ZNF676: variants seen among roughly 807,000 people sequenced by gnomAD.
The protein encoded by ZNF676 is zinc finger protein 676.
ZNF676 carries 4 observed loss-of-function variants against 6.0 expected under a neutral mutation model. The observed-to-expected ratio is 0.67, with a 90% CI of 0.33 to 1.53. The LOEUF is 1.53. Among genes scored for constraint, ZNF676 ranks in the 40% most tolerant of loss-of-function variants. The pLI is 0.06. For missense variants in ZNF676, 644 were observed against 679.7 expected (o/e 0.95, Z 0.58); for synonymous variants, 198 against 223.1 (o/e 0.89, Z 1.00).
chr19:22,210,680 T>C (rs2024119835), intron 1 of ZNF676, among the ~76,000 whole-genome samples: 1 of 152,220 alleles, frequency 6.6e-6, no homozygotes, highest in African/African-American at 2.4e-5. Context: ...TCTCTTTTCT[T>C]ACCTACTACA....
At chr19:22,188,954 A>C (rs1326141374) in intron 2 of ZNF676, among the ~76,000 whole-genome samples, 1 of 152,204 alleles carries the variant, frequency 6.6e-6, no homozygotes, top group Non-Finnish European at 1.5e-5. Flanking sequence ...ATTCAATGCC[A>C]TTCCCATCAA....
chr19:22,233,991 G>C, the ZNF676 span, among the ~76,000 whole-genome samples: 5 of 152,176 alleles, frequency 3.3e-5, no homozygotes, highest in East Asian at 3.8e-4. Context: ...ATTTTTCAAT[G>C]GTGCTTCTTC....
At chr19:22,227,463 GA>G in the ZNF676 span, among the ~76,000 whole-genome samples, 1 of 152,106 alleles carries the variant, frequency 6.6e-6, no homozygotes, top group Non-Finnish European at 1.5e-5. Flanking sequence ...AGAGAAGCAA[GA>G]GCAAACAAAT....
the ZNF676 span, among the ~76,000 whole-genome samples, chr19:22,253,745 A>C: frequency 1.3e-5 from 2 of 151,946 alleles, no homozygotes; most frequent in African/African-American, 4.8e-5. Context: ...TCAATGTGTG[A>C]AATTCAGGAC....
chr19:22,249,981 G>A, the ZNF676 span, among the ~76,000 whole-genome samples: 1 of 151,698 alleles, frequency 6.6e-6, no homozygotes, highest in Non-Finnish European at 1.5e-5. Flanking sequence ...TCAGGAGTTT[G>A]GGACCAGCCT....
At chr19:22,192,043 T>C (rs1489586237) in intron 2 of ZNF676, among the ~76,000 whole-genome samples, 3 of 152,218 alleles carry the variant, frequency 2.0e-5, no homozygotes, top group African/African-American at 7.2e-5. Flanking sequence ...AAAACATTGC[T>C]GTTTGTAGAT....
At chr19:22,206,519 G>A (rs1239347455) in intron 1 of ZNF676, among the ~76,000 whole-genome samples, 5 of 151,720 alleles carry the variant, frequency 3.3e-5, no homozygotes, top group Non-Finnish European at 7.4e-5. Flanking sequence ...CTCAAAACAG[G>A]AAAAAATTAG....
the ZNF676 span, among the ~76,000 whole-genome samples, chr19:22,251,613 C>A: frequency 6.6e-6 from 1 of 151,986 alleles, no homozygotes; most frequent in Non-Finnish European, 1.5e-5. Flanking sequence ...CATGGTGAAA[C>A]CCTGTCTCTG....
chr19:22,215,791 G>C (rs1291193352), upstream of ZNF676: 2 of 753,964 alleles, frequency 2.7e-6, no homozygotes, highest in Admixed American at 3.6e-5. Flanking sequence ...CCCGGAAGCC[G>C]ACCTGTCCCC....
chr19:22,220,698 C>T (rs1220838567), upstream of ZNF676, among the ~76,000 whole-genome samples: 1 of 152,046 alleles, frequency 6.6e-6, no homozygotes, highest in East Asian at 1.9e-4. Context: ...CTCAAGTGAT[C>T]CCCCCACCTC....
chr19:22,197,778 GTCAGAGAGCTTA>G (rs2023983449), upstream of ZNF676, among the ~76,000 whole-genome samples: 1 of 152,130 alleles, frequency 6.6e-6, no homozygotes, highest in Non-Finnish European at 1.5e-5. Context: ...AAAAAAATGT[GTCAGAGAGCTTA>G]TCAACCAAGT....
At chr19:22,182,744 A>G (rs2023778575) in intron 2 of ZNF676, among the ~76,000 whole-genome samples, 1 of 151,732 alleles carries the variant, frequency 6.6e-6, no homozygotes, top group Non-Finnish European at 1.5e-5. Flanking sequence ...CTTCCATAGG[A>G]AAGATGCTGA....
At chr19:22,231,864 T>C in the ZNF676 span, among the ~76,000 whole-genome samples, 1 of 151,944 alleles carries the variant, frequency 6.6e-6, no homozygotes, top group Non-Finnish European at 1.5e-5. Flanking sequence ...CCTCCCAAAG[T>C]GCTGGGATTA....
intron 1 of ZNF676, among the ~76,000 whole-genome samples, chr19:22,205,354 C>T (rs2024066633): frequency 6.6e-6 from 1 of 152,090 alleles, no homozygotes; most frequent in South Asian, 2.1e-4. Context: ...CCATAACATA[C>T]ATTCTTCTCA....
Position 22,180,844 on chromosome 19 carries a change from G to C in ZNF676, c.873C>G (p.Asn291Lys), listed in dbSNP as rs371781686. Residue 291 changes from asparagine to lysine, a missense_variant, in exon 3 of 3, where the codon AAC becomes AAG. Around this residue, in one of 5 missense-constraint regions of ZNF676, gnomAD observed 28 missense variants for 83.7 expected, o/e 0.33. Transcript: ENST00000397121. The stretch of plus-strand genomic sequence containing the variant: ...TATGTTCCATGAGCTTTGAGGACGA[G>C]TTGGAAGCTTTGCCACATTCTTCAC... Reference protein sequence around the residue: ...YKCEECGKASNSSSKLMEHKR... With the variant: ...YKCEECGKASKSSSKLMEHKR... 1 of 1,593,308 alleles carries C rather than the reference G, an allele frequency of 6.3e-7. No homozygotes were observed. Among genetic ancestry groups the C allele is most frequent in the Non-Finnish European group, 8.6e-7 (1 of 1,163,852 alleles).
intron 1 of ZNF676, chr19:22,203,639 G>C (rs529546694): frequency 2.6e-5 from 4 of 152,278 alleles, no homozygotes; most frequent in Non-Finnish European, 4.4e-5. Flanking sequence ...TTGTTGCCCA[G>C]GCTGGAGTGC....
intron 1 of ZNF676, among the ~76,000 whole-genome samples, chr19:22,205,311 T>C (rs2024066100): frequency 6.6e-6 from 1 of 152,190 alleles, no homozygotes; most frequent in Non-Finnish European, 1.5e-5. Flanking sequence ...ATAGTCCTAA[T>C]AGACATCTAC....
At chr19:22,226,711 C>T in the ZNF676 span, among the ~76,000 whole-genome samples, 407 of 151,968 alleles carry the variant, frequency 2.7e-3, 3 homozygotes, top group African/African-American at 9.5e-3. Context: ...ATTCTCCTGC[C>T]TCAGCCTCCT....
At chr19:22,211,922 G>C (rs1413419212) in intron 1 of ZNF676, among the ~76,000 whole-genome samples, 2 of 152,136 alleles carry the variant, frequency 1.3e-5, no homozygotes, top group Non-Finnish European at 2.9e-5. Flanking sequence ...CCTGAGGGCA[G>C]GGCGCAGTGG....
Sources: allele counts gnomAD v4.1 joint callset (sites outside exome capture counted in the v4.1 genomes callset), GRCh38; gene constraint gnomAD v4.1.1; regional missense constraint gnomAD v4.1.1; transcripts MANE v1.5; gene names NCBI Gene and HGNC (gene_info 2026-07-23, HGNC 2026-07-21).